The following TFEB variants were observed in gnomAD, a reference collection of about 807,000 sequenced individuals.
TFEB encodes transcription factor EB.
A neutral mutation model predicts 48.0 loss-of-function variants in TFEB; 12 were observed. The ratio of observed to expected loss-of-function variants is 0.25; its 90% CI spans 0.16 to 0.40. TFEB has a LOEUF of 0.40. TFEB is among the 10% of genes least tolerant of loss of function. TFEB has a pLI of 1.00. For synonymous variants in TFEB, 244 were observed against 261.4 expected (o/e 0.93, Z 0.64); for missense variants, 509 against 640.3 (o/e 0.79, Z 2.21).
At chr6:41,695,230 G>A (rs968330611) in intron 1 of TFEB, among the ~76,000 whole-genome samples, 2 of 152,178 alleles carry the variant, frequency 1.3e-5, no homozygotes, top group South Asian at 2.1e-4. Flanking sequence ...TGTGGCAGTC[G>A]CTTCATAACC....
intron 1 of TFEB, among the ~76,000 whole-genome samples, chr6:41,728,567 G>A (rs1414828249): frequency 6.6e-6 from 1 of 152,194 alleles, no homozygotes; most frequent in Non-Finnish European, 1.5e-5. Flanking sequence ...GCCGCGGCAG[G>A]TGCTGTCCTC....
intron 1 of TFEB, among the ~76,000 whole-genome samples, chr6:41,714,869 G>A (rs1025840383): frequency 2.6e-5 from 4 of 152,190 alleles, no homozygotes; most frequent in South Asian, 2.1e-4. Context: ...GCACTCCTCC[G>A]GGAGTCCATG....
At chr6:41,685,385 T>C (rs1384853878) in intron 8 of TFEB, among the ~76,000 whole-genome samples, 1 of 152,240 alleles carries the variant, frequency 6.6e-6, no homozygotes, top group Non-Finnish European at 1.5e-5. Context: ...GCATTGCATC[T>C]ATTAAGGACG....
intron 1 of TFEB, among the ~76,000 whole-genome samples, chr6:41,716,601 A>G (rs1199538001): frequency 6.6e-6 from 1 of 152,204 alleles, no homozygotes; most frequent in Non-Finnish European, 1.5e-5. Flanking sequence ...CAGGAAGTAG[A>G]AGATTCTGTC....
chr6:41,733,670 G>A, intron 1 of TFEB: 1 of 985,484 alleles, frequency 1.0e-6, no homozygotes, highest in Non-Finnish European at 1.2e-6. Context: ...ATACCGTCAG[G>A]TTAGCAGGCA....
intron 1 of TFEB, chr6:41,735,011 G>T: frequency 1.0e-6 from 1 of 985,334 alleles, no homozygotes; most frequent in Non-Finnish European, 1.2e-6. Flanking sequence ...CACGCCTCCC[G>T]CCCCTTCGAC....
At position 41,734,265 on chromosome 6, in the gene TFEB, C is replaced by A; in HGVS notation, c.-23+1085G>T. The A allele has an allele frequency of 1.2e-6, 1 of 813,660 alleles. No homozygotes were observed. Among genetic ancestry groups the A allele is most frequent in the Non-Finnish European group, 1.5e-6 (1 of 673,438 alleles). The allele number at this position is 813,660 out of a possible 1,614,324, so 50.4% of individuals were successfully genotyped here. A position where few individuals can be genotyped will look rare whatever the true frequency, so the allele number is the denominator to read the frequency against. ...GCGGAGGGCGGGGGCCTGGGCCCAGCGGGGTTCGCGCAGACAAGCCCCGCC... is the reference window on the plus strand; with the variant it reads ...GCGGAGGGCGGGGGCCTGGGCCCAGAGGGGTTCGCGCAGACAAGCCCCGCC... On this transcript the variant is annotated intron_variant, in intron 1 of 8. Coordinates refer to ENST00000373033, the MANE Select transcript of TFEB (RefSeq NM_001271944.2). This position sits in a 1 kb window ranked among gnomAD's most constrained non-coding sequence, Gnocchi z 4.0.
chr6:41,691,292 G>C lies in TFEB; in HGVS notation c.-22-57C>G, dbSNP rs1484707824. On this transcript the variant is annotated intron_variant, in intron 1 of 8. Transcript: ENST00000373033. The surrounding 1 kb of genome is among the most constrained non-coding windows in gnomAD (Gnocchi z 5.2). ...GGCACGTGTCCTCCTCAAAGCACAG[G>C]GGCTGGCAGGGGGAGGCCAGAATGA... 6.6e-7 allele frequency: 1 copy of C among 1,509,974 alleles called. No homozygotes were observed. The highest frequency in any genetic ancestry group is 9.0e-7 in the Non-Finnish European group (1 of 1,109,866). 93.5% of individuals were successfully genotyped at this position (1,509,974 alleles called of 1,614,324 possible). A position where few individuals can be genotyped will look rare whatever the true frequency, so the allele number is the denominator to read the frequency against.
At position 41,735,359 on chromosome 6, in the gene TFEB, A is replaced by C. The variant is rs1440525318; in HGVS notation, c.-32T>G. On this transcript the variant is annotated 5_prime_UTR_variant, in exon 1 of 9. Transcript: ENST00000373033. ...CCCCGGTCCCGCTCACCTCGCTCTG[A>C]AGGTCAATCTGTCCGCCGCCCGCGC... is the stretch of plus-strand genomic sequence containing the variant. 1.0e-5 allele frequency: 10 copies of C among 984,796 alleles called. No individual in the cohort carries two copies. The highest frequency in any genetic ancestry group is 1.2e-5 in the Non-Finnish European group (10 of 829,946). The allele number at this position is 984,796 out of a possible 1,614,324, so 61.0% of individuals were successfully genotyped here.
intron 1 of TFEB, among the ~76,000 whole-genome samples, chr6:41,694,568 G>T (rs1305320731): frequency 3.3e-5 from 5 of 152,014 alleles, no homozygotes; most frequent in Admixed American, 6.6e-5. Context: ...AGCGATGGGG[G>T]TGGTCCAGGA....
chr6:41,723,874 G>A lies in TFEB; in HGVS notation c.-23+11476C>T, dbSNP rs1239778876. On this transcript the variant is annotated intron_variant, in intron 1 of 8. Coordinates refer to ENST00000373033, the MANE Select transcript of TFEB (RefSeq NM_001271944.2). The surrounding 1 kb of genome is among the most constrained non-coding windows in gnomAD (Gnocchi z 6.0). ...AGAGACACAGAGCAGCAAGAATTTC[G>A]CCAGAGTCCCAATCCCACCAGGTCC... The A allele has an allele frequency of 2.6e-5, 13 of 500,700 alleles. No individual in the cohort carries two copies. The highest frequency in any genetic ancestry group is 6.1e-5 in the Admixed American group (3 of 49,128). 31.0% of individuals were successfully genotyped at this position (500,700 alleles called of 1,614,324 possible).
At chr6:41,689,903 T>A in intron 3 of TFEB, 92 bp from the exon 4 acceptor site, 1 of 960,700 alleles carries the variant, frequency 1.0e-6, no homozygotes, top group South Asian at 1.4e-5. Context: ...GGAGGGACCT[T>A]GGAGCCCACC....
At chr6:41,721,370 C>T (rs929726267) in intron 1 of TFEB, among the ~76,000 whole-genome samples, 2 of 129,254 alleles carry the variant, frequency 1.5e-5, no homozygotes, top group African/African-American at 7.4e-5. Flanking sequence ...ACTAGGCACA[C>T]ATACACACAC....
At chr6:41,717,738 C>T (rs1489746204) in intron 1 of TFEB, among the ~76,000 whole-genome samples, 2 of 152,214 alleles carry the variant, frequency 1.3e-5, no homozygotes, top group Non-Finnish European at 1.5e-5. Context: ...ACACACAACA[C>T]TTCTCTGAGG....
At chr6:41,721,676 G>T (rs1049519012) in intron 1 of TFEB, among the ~76,000 whole-genome samples, 2 of 152,214 alleles carry the variant, frequency 1.3e-5, no homozygotes, top group Non-Finnish European at 2.9e-5. Flanking sequence ...CTCCAGGCCA[G>T]ACCTGTGCTA....
At position 41,730,882 on chromosome 6, in the gene TFEB, C is replaced by T. The variant is rs1000741067; in HGVS notation, c.-23+4468G>A. ...GCAGGGGTGGTAGAGATGCCTCAGGCATTGCCAAGCCCCCTGCACCGTCTT... is the reference window on the plus strand; with the variant it reads ...GCAGGGGTGGTAGAGATGCCTCAGGTATTGCCAAGCCCCCTGCACCGTCTT... On this transcript the variant is annotated intron_variant, in intron 1 of 8. Transcript: ENST00000373033. The surrounding 1 kb of genome is among the most constrained non-coding windows in gnomAD (Gnocchi z 4.1). Among the ~76,000 whole-genome samples the T allele has an allele frequency of 3.9e-5, 6 of 152,294 alleles. 1 individual carries two copies. The South Asian group carries it at 1.2e-3, about 32-fold the overall frequency.
intron 1 of TFEB, among the ~76,000 whole-genome samples, chr6:41,710,694 C>T (rs1453077375): frequency 1.3e-5 from 2 of 152,198 alleles, no homozygotes; most frequent in South Asian, 2.1e-4. Context: ...CCAAAGCATG[C>T]AGGATCCCTC....
rs539360190 is a variant in TFEB, at chr6:41,734,949, G to T, written c.-23+401C>A. The T allele has an allele frequency of 1.0e-6, 1 of 985,332 alleles. No individual in the cohort carries two copies. Among genetic ancestry groups the T allele is most frequent in the South Asian group, 4.7e-5 (1 of 21,298 alleles). 61.0% of individuals were successfully genotyped at this position (985,332 alleles called of 1,614,324 possible). A position where few individuals can be genotyped will look rare whatever the true frequency, so the allele number is the denominator to read the frequency against. On this transcript the variant is annotated intron_variant, in intron 1 of 8. Transcript: ENST00000373033. This position sits in a 1 kb window ranked among gnomAD's most constrained non-coding sequence, Gnocchi z 4.0. ...CGGCCCCAGCCGTGTCCGGTGGAGG[G>T]GGAGTGGGCGCGGGGCCCGCGCGTC...
At chr6:41,694,078 G>A (rs947770516) in intron 1 of TFEB, among the ~76,000 whole-genome samples, 3 of 152,176 alleles carry the variant, frequency 2.0e-5, no homozygotes, top group Non-Finnish European at 4.4e-5. Flanking sequence ...AGTGCCAGCC[G>A]GCACAGGGAG....
Sources: gnomAD v4.1 joint callset for allele counts (sites outside exome capture counted in the v4.1 genomes callset) on GRCh38, gnomAD v4.1.1 for gene constraint, Gnocchi (gnomAD v3.1) non-coding constraint, MANE v1.5 for transcripts, NCBI Gene and HGNC (gene_info 2026-07-23, HGNC 2026-07-21) for gene names.